PRDM1: variants seen among roughly 807,000 people sequenced by gnomAD.
The protein encoded by PRDM1 is PR/SET domain 1, also known as PR domain zinc finger protein 1.
A neutral mutation model predicts 62.8 loss-of-function variants in PRDM1; 13 were observed. The ratio of observed to expected loss-of-function variants is 0.21; its 90% CI spans 0.13 to 0.33. The LOEUF is 0.33. Among genes scored for constraint, PRDM1 ranks in the 10% least tolerant of loss-of-function variants. The pLI, the probability that PRDM1 is intolerant of heterozygous loss-of-function variation, is 1.00. For synonymous variants in PRDM1, 396 were observed against 417.6 expected, an observed-to-expected ratio of 0.95 and a Z score of 0.63; for missense variants, 895 against 1,058.8, an observed-to-expected ratio of 0.85 and a Z score of 2.15.
upstream of PRDM1, among the ~76,000 whole-genome samples, chr6:106,084,012 A>G (rs1022784238): frequency 1.3e-5 from 2 of 152,158 alleles, no homozygotes; most frequent in African/African-American, 2.4e-5. Context: ...ATACCTAAAT[A>G]TTACAATATG....
At chr6:106,036,025 C>T (rs1276011634) in intron 1 of PRDM1, among the ~76,000 whole-genome samples, 1 of 152,072 alleles carries the variant, frequency 6.6e-6, no homozygotes, top group Non-Finnish European at 1.5e-5. Context: ...GCCTCGGCCT[C>T]CCAAAGTGCT....
chr6:106,076,217 C>G (rs1276517407), intron 1 of PRDM1, among the ~76,000 whole-genome samples: 1 of 152,126 alleles, frequency 6.6e-6, no homozygotes, highest in South Asian at 2.1e-4. Context: ...TCCCAAAGTG[C>G]GACATCCCAA....
At chr6:106,074,508 C>T (rs558174322) in intron 1 of PRDM1, among the ~76,000 whole-genome samples, 15 of 152,076 alleles carry the variant, frequency 9.9e-5, no homozygotes, top group Admixed American at 3.3e-4. Context: ...GTTATAATTA[C>T]GTAACTTAAT....
intron 1 of PRDM1, among the ~76,000 whole-genome samples, chr6:106,035,348 G>A (rs1156596801): frequency 1.3e-5 from 2 of 152,164 alleles, no homozygotes; most frequent in Non-Finnish European, 2.9e-5. Flanking sequence ...TTGGCCAGGT[G>A]TGGTGACTCA....
chr6:106,012,805 C>T (rs1772574155), intron 1 of PRDM1, among the ~76,000 whole-genome samples: 1 of 152,188 alleles, frequency 6.6e-6, no homozygotes, highest in South Asian at 2.1e-4. Flanking sequence ...TTACTTGTTT[C>T]TCTGTCTGAA....
intron 1 of PRDM1, among the ~76,000 whole-genome samples, chr6:106,030,570 G>A (rs2114566658): frequency 6.6e-6 from 1 of 152,024 alleles, no homozygotes; most frequent in Middle Eastern, 3.4e-3. Context: ...TTTTGACGGG[G>A]GTGGGGGGCA....
At position 106,105,707 on chromosome 6, in the gene PRDM1, C is replaced by A. The variant is rs755787471; in HGVS notation, c.1547C>A (p.Ser516Tyr). The A allele has an allele frequency of 1.2e-6, 2 of 1,613,912 alleles. No homozygotes were observed. Among genetic ancestry groups the A allele is most frequent in the Non-Finnish European group, 8.5e-7 (1 of 1,179,930 alleles). ...AAGGCCTGTAGCCCCACAAGCGGGTCTCCCACGGCGGGAACAGCCGCCACG... is the reference window on the plus strand; with the variant it reads ...AAGGCCTGTAGCCCCACAAGCGGGTATCCCACGGCGGGAACAGCCGCCACG... The part of the protein sequence containing the change: ...KDKACSPTSG[S>Y]PTAGTAATAE... Residue 516 changes from serine to tyrosine, a missense_variant, in exon 5 of 7, where the codon TCT becomes TAT. By Grantham distance (144) the Ser-to-Tyr change is moderately radical. Around this residue, in one of 4 missense-constraint regions of PRDM1, gnomAD observed 444 missense variants for 422.7 expected, o/e 1.05. Coordinates refer to ENST00000369096, the MANE Select transcript of PRDM1 (RefSeq NM_001198.4).
Position 106,105,843 on chromosome 6 carries a change from C to CGAA in PRDM1, c.1683_1684insGAA (p.Thr561_Leu562insGlu). 6.2e-7 allele frequency: 1 copy of CGAA among 1,614,172 alleles called. No individual in the cohort carries two copies. Among genetic ancestry groups the CGAA allele is most frequent in the South Asian group, 1.1e-5 (1 of 91,082 alleles). ...AAAGAAACATGACCGGCTACAAGAC[C>CGAA]CTTCCCTACCCGCTGAAGAAGCAGA... On this transcript the variant is annotated inframe_insertion, in exon 5 of 7. Coordinates refer to ENST00000369096, the MANE Select transcript of PRDM1 (RefSeq NM_001198.4).
At chr6:106,014,630 T>A (rs536271668) in intron 1 of PRDM1, among the ~76,000 whole-genome samples, 120 of 150,890 alleles carry the variant, frequency 8.0e-4, no homozygotes, top group African/African-American at 2.9e-3. Context: ...AAAACGATGA[T>A]AGATAATAGA....
At chr6:106,006,392 T>TAAAG (rs1360998077) in intron 1 of PRDM1, among the ~76,000 whole-genome samples, 12 of 148,558 alleles carry the variant, frequency 8.1e-5, no homozygotes, top group Non-Finnish European at 1.7e-4. Flanking sequence ...CACAGACCCC[T>TAAAG]ATCTAATGAG....
intron 1 of PRDM1, among the ~76,000 whole-genome samples, chr6:106,040,570 A>G (rs1288407815): frequency 6.6e-6 from 1 of 152,206 alleles, no homozygotes; most frequent in African/African-American, 2.4e-5. Context: ...TGTAAAGCAG[A>G]CTTCACAGTT....
At chr6:106,013,364 G>C (rs941775859) in intron 1 of PRDM1, among the ~76,000 whole-genome samples, 2 of 126,830 alleles carry the variant, frequency 1.6e-5, no homozygotes, top group African/African-American at 6.0e-5. Context: ...GTCTCTCTTT[G>C]TTGCTCGGGC....
At chr6:106,094,790 C>CT (rs1386222929) in intron 2 of PRDM1, among the ~76,000 whole-genome samples, 1 of 152,020 alleles carries the variant, frequency 6.6e-6, no homozygotes, top group East Asian at 1.9e-4. Context: ...GTAGTCCCAG[C>CT]TACTCAGGAG....
At chr6:106,028,792 C>A (rs1433184308) in intron 1 of PRDM1, among the ~76,000 whole-genome samples, 1 of 151,918 alleles carries the variant, frequency 6.6e-6, no homozygotes, top group Non-Finnish European at 1.5e-5. Context: ...TCCATTAATC[C>A]ATCTTTCCTT....
At position 106,053,731 on chromosome 6, in the gene PRDM1, T is replaced by C. The variant is rs1444660802; in HGVS notation, c.-67+5017T>C. Among the ~76,000 whole-genome samples, 3 of 152,024 alleles carry C rather than the reference T, an allele frequency of 2.0e-5. No individual in the cohort carries two copies. In the East Asian group the frequency reaches 5.8e-4, roughly 29 times the overall value. The stretch of plus-strand genomic sequence containing the variant: ...TAACAGGGTTGAAGCCAAAACTGAG[T>C]TCCCTGGTTGGCGAGGCTCCCTGAA... On this transcript the variant is annotated intron_variant, in intron 1 of 6. Coordinates refer to the PRDM1 transcript ENST00000651185.
intron 1 of PRDM1, 88 bp from the exon 2 acceptor site, chr6:106,088,113 C>T: frequency 6.9e-7 from 1 of 1,457,286 alleles, no homozygotes; most frequent in South Asian, 1.4e-5. Context: ...TTAAAGTCTT[C>T]AGACTACTGT....
intron 1 of PRDM1, among the ~76,000 whole-genome samples, chr6:106,057,140 T>C (rs991584885): frequency 1.3e-5 from 2 of 152,232 alleles, no homozygotes; most frequent in Non-Finnish European, 2.9e-5. Context: ...ATAAAAGGCA[T>C]GGTTTGCCCC....
chr6:106,002,224 T>C (rs1176245829), intron 1 of PRDM1, among the ~76,000 whole-genome samples: 1 of 152,186 alleles, frequency 6.6e-6, no homozygotes, highest in African/African-American at 2.4e-5. Context: ...GGTAGAACAA[T>C]GGGTGTTACT....
At chr6:106,075,980 C>A (rs887306249) in intron 1 of PRDM1, among the ~76,000 whole-genome samples, 5 of 150,478 alleles carry the variant, frequency 3.3e-5, no homozygotes, top group African/African-American at 1.2e-4. Context: ...GAGACAGAGT[C>A]TGGCTCTGTT....
Sources: allele counts gnomAD v4.1 joint callset (sites outside exome capture counted in the v4.1 genomes callset), GRCh38; gene constraint gnomAD v4.1.1; regional missense constraint gnomAD v4.1.1; transcripts MANE v1.5; gene names NCBI Gene and HGNC (gene_info 2026-07-23, HGNC 2026-07-21).